The following MARK4 variants were observed in gnomAD, a reference collection of about 807,000 sequenced individuals.
MARK4 encodes the protein MAP/microtubule affinity-regulating kinase 4.
In MARK4, 19 loss-of-function variants were observed where a neutral mutation model predicts 81.5. That is an observed-to-expected ratio of 0.23 (90% CI 0.16 to 0.34). The LOEUF is 0.34. Ranked by LOEUF, MARK4 falls within the 10% of genes least tolerant of loss-of-function variation. The pLI is 1.00. For synonymous variants in MARK4, 436 were observed against 439.0 expected, an observed-to-expected ratio of 0.99 and a Z score of 0.08; for missense variants, 772 against 1,058.8, an observed-to-expected ratio of 0.73 and a Z score of 3.76.
At chr19:45,264,527 G>GCCCT (rs1313502737) in intron 4 of MARK4, among the ~76,000 whole-genome samples, 157 bp from the exon 5 acceptor site, 1 of 151,928 alleles carries the variant, frequency 6.6e-6, no homozygotes, top group Non-Finnish European at 1.5e-5. Flanking sequence ...GTGGTAGAGG[G>GCCCT]GGCTGAGGAG....
At chr19:45,251,681 A>T in intron 1 of MARK4, 42 bp downstream of exon 1, 1 of 1,491,624 alleles carries the variant, frequency 6.7e-7, no homozygotes, top group South Asian at 1.3e-5. Context: ...GGCTGGGTCC[A>T]GCCGCCAAAC....
At chr19:45,258,279 C>T (rs930744471) in intron 1 of MARK4, among the ~76,000 whole-genome samples, 1 of 152,234 alleles carries the variant, frequency 6.6e-6, no homozygotes, top group Non-Finnish European at 1.5e-5. Context: ...GCCACTGCAC[C>T]TGGCCACCTG....
rs773631109 is a variant in MARK4 at position 45,258,980 on chromosome 19, C to T, written c.52-9C>T. On this transcript the variant is annotated splice_polypyrimidine_tract_variant and intron_variant, in intron 1 of 16. Coordinates refer to ENST00000262891, the MANE Select transcript of MARK4 (RefSeq NM_001199867.2). The stretch of plus-strand genomic sequence containing the variant: ...ATTGGATAGCTCATGCTCCATCTCC[C>T]CCGCCCAGCATGGCACCTTGGGCAG... The T allele has an allele frequency of 1.9e-6, 3 of 1,611,068 alleles. No homozygotes were observed. Among genetic ancestry groups the T allele is most frequent in the Non-Finnish European group, 2.5e-6 (3 of 1,179,264 alleles).
At chr19:45,279,015 TGGAGACCAGCCTGGCCAACATAG>T (rs939735969) in intron 10 of MARK4, among the ~76,000 whole-genome samples, 5 of 152,022 alleles carry the variant, frequency 3.3e-5, no homozygotes, top group African/African-American at 1.2e-4. Flanking sequence ...GCCCAGGAGT[TGGAGACCAGCCTGGCCAACATAG>T]GGAGACCCTG....
At chr19:45,282,864 C>T (rs1367800468) in intron 12 of MARK4, among the ~76,000 whole-genome samples, 1 of 151,712 alleles carries the variant, frequency 6.6e-6, no homozygotes, top group African/African-American at 2.4e-5. Flanking sequence ...TGGTAGTACA[C>T]GCCTGTGGTC....
At chr19:45,259,755 A>G (rs1970357233) in intron 2 of MARK4, among the ~76,000 whole-genome samples, 1 of 152,018 alleles carries the variant, frequency 6.6e-6, no homozygotes, top group African/African-American at 2.4e-5. Flanking sequence ...AGCCTGGGTA[A>G]CAGAGTGAGA....
intron 2 of MARK4, 50 bp from the exon 3 acceptor site, chr19:45,263,063 G>A (rs1407619920): frequency 1.3e-6 from 2 of 1,568,732 alleles, no homozygotes; most frequent in Non-Finnish European, 1.7e-6. Context: ...ACCATATCCA[G>A]TGGGGCTTGT....
intron 13 of MARK4, among the ~76,000 whole-genome samples, chr19:45,291,531 C>G (rs1306651927): frequency 6.6e-6 from 1 of 152,072 alleles, no homozygotes. Flanking sequence ...GCCTGTAATC[C>G]CAGCACTTTG....
intron 13 of MARK4, among the ~76,000 whole-genome samples, chr19:45,291,744 T>G (rs1360074841): frequency 6.4e-4 from 98 of 152,130 alleles, no homozygotes; most frequent in Admixed American, 6.4e-3. Context: ...ATTGCCCTAC[T>G]GCACTCCAGC....
At chr19:45,257,260 T>C (rs375767321) in intron 1 of MARK4, among the ~76,000 whole-genome samples, 1 of 152,176 alleles carries the variant, frequency 6.6e-6, no homozygotes, top group African/African-American at 2.4e-5. Context: ...TTCAGATGAT[T>C]GTTAGCATCT....
intron 15 of MARK4, 38 bp downstream of exon 15, chr19:45,297,992 G>A: frequency 6.5e-7 from 1 of 1,548,494 alleles, no homozygotes; most frequent in Non-Finnish European, 8.7e-7. Flanking sequence ...GGGCGGGGCG[G>A]GGGGCCGATG....
chr19:45,302,807 T>G lies in MARK4; in HGVS notation c.*97T>G. The G allele has an allele frequency of 6.8e-7, 1 of 1,463,388 alleles. No homozygotes were observed. Among genetic ancestry groups the G allele is most frequent in the African/African-American group, 1.4e-5 (1 of 70,808 alleles). 90.7% of individuals were successfully genotyped at this position (1,463,388 alleles called of 1,614,324 possible). A position where few individuals can be genotyped will look rare whatever the true frequency, so the allele number is the denominator to read the frequency against. ...CAGGGAGGGGATTCTCCCTTTATCA[T>G]CACCTCAGTTTCCCTGAATTATATT... On this transcript the variant is annotated 3_prime_UTR_variant, in exon 17 of 17. Transcript: ENST00000262891. This position sits in a 1 kb window ranked among gnomAD's most constrained non-coding sequence, Gnocchi z 4.9.
chr19:45,301,557 CAAAAAAAAA>C (rs10630193), intron 16 of MARK4, among the ~76,000 whole-genome samples: 1 of 49,520 alleles, frequency 2.0e-5, no homozygotes, highest in African/African-American at 8.7e-5. Flanking sequence ...AACTCTGTCT[CAAAAAAAAA>C]AAAAAAAAAA....
intron 13 of MARK4, chr19:45,288,427 C>T (rs1568501036): frequency 2.0e-5 from 3 of 151,898 alleles, no homozygotes. Context: ...GTGGCGGGCA[C>T]CTATAATCCC....
chr19:45,295,601 C>G (rs1398180238), intron 14 of MARK4, among the ~76,000 whole-genome samples: 1 of 152,072 alleles, frequency 6.6e-6, no homozygotes, highest in Non-Finnish European at 1.5e-5. Context: ...ATGATGAAAC[C>G]CTGTCTCTAC....
rs371387975 is a variant in MARK4, at chr19:45,278,513, C to T, written c.907-3C>T. 192 of 1,613,422 alleles carry T rather than the reference C, an allele frequency of 1.2e-4. No individual in the cohort carries two copies. The highest frequency in any genetic ancestry group is 1.6e-4 in the Non-Finnish European group (187 of 1,179,546). On this transcript the variant is annotated splice_polypyrimidine_tract_variant and splice_region_variant and intron_variant, in intron 9 of 16. Coordinates refer to ENST00000262891, the MANE Select transcript of MARK4 (RefSeq NM_001199867.2). ...CCCCCTTCCCTGCTCCTGATGCCTGCAGCAAATCATGAAAGACAAATGGAT... is the reference window on the plus strand; with the variant it reads ...CCCCCTTCCCTGCTCCTGATGCCTGTAGCAAATCATGAAAGACAAATGGAT...
chr19:45,274,004 C>T (rs1195694901), intron 8 of MARK4, among the ~76,000 whole-genome samples: 1 of 151,902 alleles, frequency 6.6e-6, no homozygotes, highest in African/African-American at 2.4e-5. Flanking sequence ...AATCCCAGCA[C>T]TTTGGGAGGC....
chr19:45,264,703 T>C lies in MARK4; in HGVS notation c.375T>C (p.Ile125=), dbSNP rs755174777. Residue 125 remains isoleucine (I), a synonymous_variant, in exon 5 of 17, where the codon ATT becomes ATC. Coordinates refer to ENST00000262891, the MANE Select transcript of MARK4 (RefSeq NM_001199867.2). ...TTATAGTGAAGCTCTTTGAGGTGAT[T>C]GAGACTGAGAAGACGCTGTACCTGG... ...HPNIVKLFEV[I]ETEKTLYLVM... is the part of the protein sequence containing the mutation. 6.2e-7 allele frequency: 1 copy of C among 1,614,048 alleles called. No individual in the cohort carries two copies. Among genetic ancestry groups the C allele is most frequent in the Non-Finnish European group, 8.5e-7 (1 of 1,179,998 alleles).
Position 45,302,840 on chromosome 19 carries a change from A to C in MARK4, c.*130A>C. 7.3e-7 allele frequency: 1 copy of C among 1,371,124 alleles called. No individual in the cohort carries two copies. The highest frequency in any genetic ancestry group is 1.4e-5 in the South Asian group (1 of 69,222). The allele number at this position is 1,371,124 out of a possible 1,614,324, so 84.9% of individuals were successfully genotyped here. A position where few individuals can be genotyped will look rare whatever the true frequency, so the allele number is the denominator to read the frequency against. ...GTTTCCCTGAATTATATTTGGGGGC[A>C]AAGATTGTCCCCTCTGCTGTTCTCT... On this transcript the variant is annotated 3_prime_UTR_variant, in exon 17 of 17. Coordinates refer to ENST00000262891, the MANE Select transcript of MARK4 (RefSeq NM_001199867.2). This position sits in a 1 kb window ranked among gnomAD's most constrained non-coding sequence, Gnocchi z 4.9.
Sources: allele counts gnomAD v4.1 joint callset (sites outside exome capture counted in the v4.1 genomes callset), GRCh38; gene constraint gnomAD v4.1.1; non-coding constraint Gnocchi (gnomAD v3.1); transcripts MANE v1.5; gene names NCBI Gene and HGNC (gene_info 2026-07-23, HGNC 2026-07-21).